NUP88: variants seen among roughly 807,000 people sequenced by gnomAD.
The protein encoded by NUP88 is nuclear pore complex protein Nup88.
In NUP88, 57 loss-of-function variants were observed where a neutral mutation model predicts 93.9. The ratio of observed to expected loss-of-function variants is 0.61; its 90% CI spans 0.49 to 0.76. The LOEUF (loss-of-function observed/expected upper bound fraction) is 0.76. Ranked by LOEUF, NUP88 falls within the 30% of genes least tolerant of loss-of-function variation. NUP88 has a pLI of 0.00. For missense variants in NUP88, 911 were observed against 901.0 expected, an observed-to-expected ratio of 1.01 and a Z score of -0.14; for synonymous variants, 346 against 336.8, an observed-to-expected ratio of 1.03 and a Z score of -0.30.
At chr17:5,408,306 T>A (rs1430620873) in intron 5 of NUP88, among the ~76,000 whole-genome samples, 1 of 152,202 alleles carries the variant, frequency 6.6e-6, no homozygotes, top group African/African-American at 2.4e-5. Context: ...GTCAGAATGA[T>A]CTCTCCTTCC....
chr17:5,402,907 T>C (rs998613603), intron 7 of NUP88, among the ~76,000 whole-genome samples: 1 of 152,068 alleles, frequency 6.6e-6, no homozygotes, highest in African/African-American at 2.4e-5. Context: ...GGTGAGAGGA[T>C]TGCTTGAGCC....
At position 5,398,001 on chromosome 17, in the gene NUP88, G is replaced by A. The variant is rs141899432; in HGVS notation, c.1291+1551C>T. ...CGAATACAGCAGTCTCTACCTCCCAGGTTCAAGCGATTCTCCTGTCTCAGC... is the reference window on the plus strand; with the variant it reads ...CGAATACAGCAGTCTCTACCTCCCAAGTTCAAGCGATTCTCCTGTCTCAGC... On this transcript the variant is annotated intron_variant, in intron 8 of 16. Transcript: ENST00000573584. Among the ~76,000 whole-genome samples the A allele has an allele frequency of 6.0e-3, 911 of 151,556 alleles. 6 individuals are homozygous for A. The highest frequency in any genetic ancestry group is 0.021 in the African/African-American group (852 of 41,314).
At chr17:5,413,571 A>T (rs1363377186) in intron 3 of NUP88, among the ~76,000 whole-genome samples, 1 of 152,226 alleles carries the variant, frequency 6.6e-6, no homozygotes, top group Non-Finnish European at 1.5e-5. Flanking sequence ...GGGCGTTAGA[A>T]ACTATTGAAT....
Position 5,386,278 on chromosome 17 carries a change from T to C in NUP88, c.2163-9A>G, listed in dbSNP as rs375050158. ...CCCTTATATGTTCACCCCTGTAAAATTGTAAAGTCACTCACTTTTGGAATT... is the reference window on the plus strand; with the variant it reads ...CCCTTATATGTTCACCCCTGTAAAACTGTAAAGTCACTCACTTTTGGAATT... On this transcript the variant is annotated splice_polypyrimidine_tract_variant and intron_variant, in intron 16 of 16. Coordinates refer to ENST00000573584, the MANE Select transcript of NUP88 (RefSeq NM_002532.6). The C allele has an allele frequency of 3.1e-5, 50 of 1,595,602 alleles. No individual in the cohort carries two copies. The highest frequency in any genetic ancestry group is 4.0e-5 in the African/African-American group (3 of 74,214).
intron 9 of NUP88, among the ~76,000 whole-genome samples, chr17:5,392,048 C>G (rs1369212336): frequency 1.3e-5 from 2 of 152,228 alleles, no homozygotes; most frequent in East Asian, 3.8e-4. Context: ...CAATGAGGCC[C>G]AATGTCAATG....
intron 1 of NUP88, among the ~76,000 whole-genome samples, chr17:5,417,327 C>T (rs12603723): frequency 0.17 from 25,819 of 152,100 alleles, 3,446 homozygotes; most frequent in East Asian, 0.62. Flanking sequence ...AATAGCCAGG[C>T]GTGGTGGCAC....
chr17:5,410,755 T>C lies in NUP88; in HGVS notation c.628A>G (p.Asn210Asp), dbSNP rs1913791584. Residue 210 changes from asparagine (N) to aspartate (D), a missense_variant, in exon 4 of 17, where the codon AAC becomes GAC. Coordinates refer to ENST00000573584, the MANE Select transcript of NUP88 (RefSeq NM_002532.6). ...TCGGCTTCTGAAAGTATTATCACGTTAGTGGGTGTCTGCGGCTCACGTAGT... is the reference window on the plus strand; with the variant it reads ...TCGGCTTCTGAAAGTATTATCACGTCAGTGGGTGTCTGCGGCTCACGTAGT... The part of the protein sequence containing the change: ...YSLREPQTPT[N>D]VIILSEAEEE... The C allele has an allele frequency of 1.2e-6, 2 of 1,612,870 alleles. No individual in the cohort carries two copies. The highest frequency in any genetic ancestry group is 4.5e-5 in the East Asian group (2 of 44,878).
At position 5,409,917 on chromosome 17, in the gene NUP88, T is replaced by TC. The variant is rs551127472; in HGVS notation, c.680+785_680+786insG. The stretch of plus-strand genomic sequence containing the variant: ...AGCAAATGCTCTAAGGTAGAAGTGC[T>TC]TAATGTCTGTGGAATGGCAAGGAGG... On this transcript the variant is annotated intron_variant, in intron 4 of 16. Coordinates refer to ENST00000573584, the MANE Select transcript of NUP88 (RefSeq NM_002532.6). Among the ~76,000 whole-genome samples the TC allele has an allele frequency of 1.1e-4, 17 of 152,246 alleles. No individual in the cohort carries two copies. The East Asian group carries it at 3.3e-3, about 29-fold the overall frequency.
chr17:5,399,502 C>T (rs1236062127), intron 8 of NUP88, 50 bp downstream of exon 8: 2 of 921,798 alleles, frequency 2.2e-6, no homozygotes, highest in African/African-American at 3.4e-5. Context: ...TCTATTAAAT[C>T]TATTTTTCCT....
Position 5,387,604 on chromosome 17 carries a change from C to A in NUP88, c.1835+1G>T. 1.9e-6 allele frequency: 3 copies of A among 1,612,206 alleles called. No individual in the cohort carries two copies. The highest frequency in any genetic ancestry group is 2.5e-6 in the Non-Finnish European group (3 of 1,178,584). On this transcript the variant is annotated splice_donor_variant, in intron 13 of 16. Transcript: ENST00000573584. LOFTEE classifies it high-confidence loss of function. Reference sequence around the variant, plus strand: ...GTATTCTTCTTATTTTTGACACTTACCTCTCTTCTCGACAATAACTGAGAT... The same window carrying A: ...GTATTCTTCTTATTTTTGACACTTAACTCTCTTCTCGACAATAACTGAGAT...
intron 9 of NUP88, among the ~76,000 whole-genome samples, chr17:5,394,153 G>A (rs754569618): frequency 1.3e-5 from 2 of 152,180 alleles, no homozygotes; most frequent in Non-Finnish European, 2.9e-5. Context: ...GGGCTAGGGC[G>A]ATATGGATGC....
At chr17:5,392,012 A>C (rs1912469866) in intron 9 of NUP88, among the ~76,000 whole-genome samples, 2 of 152,226 alleles carry the variant, frequency 1.3e-5, no homozygotes, top group South Asian at 4.1e-4. Context: ...GAAACTGTTG[A>C]ATGAACAGAA....
intron 9 of NUP88, among the ~76,000 whole-genome samples, chr17:5,393,271 T>A (rs1251084420): frequency 2.0e-5 from 3 of 150,932 alleles, no homozygotes; most frequent in East Asian, 2.0e-4. Flanking sequence ...AGCTAATTTT[T>A]AAATTTTTTT....
chr17:5,397,880 T>C (rs947659315), intron 8 of NUP88, among the ~76,000 whole-genome samples: 17 of 152,058 alleles, frequency 1.1e-4, no homozygotes, highest in Non-Finnish European at 2.1e-4. Flanking sequence ...GAATAATTGG[T>C]ATTAATTCTT....
intron 8 of NUP88, among the ~76,000 whole-genome samples, chr17:5,398,495 A>C (rs1213469578): frequency 6.6e-6 from 1 of 151,086 alleles, no homozygotes; most frequent in Non-Finnish European, 1.5e-5. Flanking sequence ...CGCCATGTTG[A>C]CTAGACTGTT....
intron 8 of NUP88, among the ~76,000 whole-genome samples, chr17:5,396,706 A>ATTTGAG (rs1912798729): frequency 6.6e-6 from 1 of 152,230 alleles, no homozygotes; most frequent in Non-Finnish European, 1.5e-5. Context: ...AGGAACTGCC[A>ATTTGAG]GATTGTTTTC....
chr17:5,403,889 T>C (rs1913321365), intron 7 of NUP88, among the ~76,000 whole-genome samples: 1 of 152,232 alleles, frequency 6.6e-6, no homozygotes, highest in Admixed American at 6.5e-5. Context: ...TCTGGTGATC[T>C]GGACCAAAGA....
In NUP88 at chr17:5,386,705, T is replaced by TA; in HGVS notation, c.2162+2dup. ...TAATAGCTGATTGGAAGTATTTACT[T>TA]ACTCCTCTTTCAGGATGGACTGAAT... On this transcript the variant is annotated splice_region_variant and intron_variant, in intron 16 of 16. Coordinates refer to ENST00000573584, the MANE Select transcript of NUP88 (RefSeq NM_002532.6). 5 of 1,563,592 alleles carry TA rather than the reference T, an allele frequency of 3.2e-6. No homozygotes were observed. The highest frequency in any genetic ancestry group is 4.4e-6 in the Non-Finnish European group (5 of 1,134,400).
intron 3 of NUP88, among the ~76,000 whole-genome samples, chr17:5,411,099 C>G (rs1913815076): frequency 6.6e-6 from 1 of 152,170 alleles, no homozygotes; most frequent in African/African-American, 2.4e-5. Flanking sequence ...CCAGTCATCT[C>G]ACTATTGCCC....
Sources: gnomAD v4.1 joint callset for allele counts (sites outside exome capture counted in the v4.1 genomes callset) on GRCh38, gnomAD v4.1.1 for gene constraint, MANE v1.5 for transcripts, NCBI Gene and HGNC (gene_info 2026-07-23, HGNC 2026-07-21) for gene names.